LRRC4C: variants seen among roughly 807,000 people sequenced by gnomAD.
LRRC4C encodes leucine rich repeat containing 4C.
A neutral mutation model predicts 33.6 loss-of-function variants in LRRC4C; 5 were observed. The observed-to-expected ratio is 0.15, with a 90% CI of 0.08 to 0.31. The LOEUF (loss-of-function observed/expected upper bound fraction) is 0.31. Ranked by LOEUF, LRRC4C falls within the 10% of genes least tolerant of loss-of-function variation. The pLI, the probability that LRRC4C is intolerant of heterozygous loss-of-function variation, is 1.00. For synonymous variants in LRRC4C, 329 were observed against 302.0 expected, an observed-to-expected ratio of 1.09 and a Z score of -0.93; for missense variants, 560 against 796.7, an observed-to-expected ratio of 0.70 and a Z score of 3.58.
At chr11:40,897,675 C>T (rs1010334967) in intron 2 of LRRC4C, among the ~76,000 whole-genome samples, 7 of 152,180 alleles carry the variant, frequency 4.6e-5, no homozygotes, top group African/African-American at 1.7e-4. Context: ...AACACTTCTG[C>T]TAACGATAGA....
At chr11:40,950,622 A>T (rs1958650613) in intron 1 of LRRC4C, among the ~76,000 whole-genome samples, 1 of 152,060 alleles carries the variant, frequency 6.6e-6, no homozygotes, top group Non-Finnish European at 1.5e-5. Flanking sequence ...TAAATTATTT[A>T]TTTCTAATTA....
chr11:40,427,858 A>T (rs779452104), intron 3 of LRRC4C, among the ~76,000 whole-genome samples: 15 of 152,080 alleles, frequency 9.9e-5, no homozygotes, highest in Non-Finnish European at 1.8e-4. Flanking sequence ...CCAAAAAACA[A>T]AACAAAACAA....
chr11:41,073,120 G>C (rs1000456231), intron 1 of LRRC4C, among the ~76,000 whole-genome samples: 3 of 152,088 alleles, frequency 2.0e-5, no homozygotes, highest in African/African-American at 7.2e-5. Flanking sequence ...GTCATAGTCT[G>C]TTTTGTGTTA....
chr11:40,267,919 A>G (rs1942400820), intron 4 of LRRC4C, among the ~76,000 whole-genome samples: 1 of 152,148 alleles, frequency 6.6e-6, no homozygotes, highest in Admixed American at 6.6e-5. Context: ...GCAATTACTG[A>G]CTTTCTGCTT....
intron 1 of LRRC4C, among the ~76,000 whole-genome samples, chr11:40,995,727 G>A (rs530030178): frequency 6.6e-6 from 1 of 152,214 alleles, no homozygotes; most frequent in South Asian, 2.1e-4. Flanking sequence ...TCACCCAGCA[G>A]GTAGAATTAT....
intron 4 of LRRC4C, among the ~76,000 whole-genome samples, chr11:40,258,440 T>C (rs1002304457): frequency 6.6e-6 from 1 of 152,184 alleles, no homozygotes; most frequent in Non-Finnish European, 1.5e-5. Context: ...CACTAACATA[T>C]ATAATTTATT....
intron 1 of LRRC4C, among the ~76,000 whole-genome samples, chr11:41,290,810 G>C (rs12285478): frequency 1.3e-5 from 2 of 151,906 alleles, no homozygotes; most frequent in Non-Finnish European, 2.9e-5. Context: ...AACAAACAAA[G>C]GTCTTAGTAC....
At chr11:41,240,334 C>T (rs1948199433) in intron 1 of LRRC4C, among the ~76,000 whole-genome samples, 1 of 152,172 alleles carries the variant, frequency 6.6e-6, no homozygotes, top group South Asian at 2.1e-4. Flanking sequence ...AGAGAAATTG[C>T]AAAGAGTCCC....
intron 4 of LRRC4C, among the ~76,000 whole-genome samples, chr11:40,275,454 A>G (rs1182075514): frequency 6.6e-6 from 1 of 152,146 alleles, no homozygotes; most frequent in Admixed American, 6.5e-5. Flanking sequence ...ATACTACAGA[A>G]CATAAAAGCA....
chr11:40,643,605 G>C (rs997287054), intron 3 of LRRC4C, among the ~76,000 whole-genome samples: 2 of 152,086 alleles, frequency 1.3e-5, no homozygotes, highest in Admixed American at 1.3e-4. Context: ...CAGGAATAAT[G>C]ACACCAATAC....
intron 3 of LRRC4C, among the ~76,000 whole-genome samples, chr11:40,472,016 C>T (rs895597367): frequency 3.3e-5 from 5 of 152,140 alleles, no homozygotes; most frequent in East Asian, 1.9e-4. Flanking sequence ...TCACTCGAGG[C>T]CGGGCAAGGT....
chr11:40,971,614 C>A (rs1851734236), intron 1 of LRRC4C, among the ~76,000 whole-genome samples: 1 of 152,112 alleles, frequency 6.6e-6, no homozygotes, highest in South Asian at 2.1e-4. Context: ...CACAGAGTTC[C>A]CACTGGGGTA....
chr11:41,302,407 A>C (rs1950312528), intron 1 of LRRC4C, among the ~76,000 whole-genome samples: 1 of 152,236 alleles, frequency 6.6e-6, no homozygotes, highest in Non-Finnish European at 1.5e-5. Context: ...AGCATTGTCT[A>C]ATTAGGTAGT....
intron 3 of LRRC4C, among the ~76,000 whole-genome samples, chr11:40,553,400 C>T (rs988400657): frequency 6.6e-6 from 1 of 152,020 alleles, no homozygotes; most frequent in Admixed American, 6.6e-5. Flanking sequence ...AACCTCATAT[C>T]CAGGAGAATT....
At chr11:41,075,359 T>C (rs957025030) in intron 1 of LRRC4C, among the ~76,000 whole-genome samples, 30 of 152,174 alleles carry the variant, frequency 2.0e-4, no homozygotes, top group Non-Finnish European at 3.8e-4. Flanking sequence ...AGAATGAGAA[T>C]GAATAATATA....
rs1008712367 is a variant in LRRC4C, at chr11:41,383,293, C to T, written c.-496+76138G>A. On this transcript the variant is annotated intron_variant, in intron 1 of 6. Transcript: ENST00000528697. ...TTTCTTGTATGAATTTAGGAATTTG[C>T]CATGACAGCTGGGCCTGGAACCCTG... 2.6e-5 allele frequency among the ~76,000 whole-genome samples: 4 copies of T among 152,014 alleles called. No homozygotes were observed. In the South Asian group the frequency reaches 8.3e-4, roughly 32 times the overall value.
chr11:41,337,555 T>G (rs1313638428), intron 1 of LRRC4C, among the ~76,000 whole-genome samples: 2 of 152,098 alleles, frequency 1.3e-5, no homozygotes, highest in African/African-American at 4.8e-5. Context: ...ATTAAAAACT[T>G]AAATGTAAAA....
chr11:40,291,907 CA>C (rs1944222857), intron 4 of LRRC4C, among the ~76,000 whole-genome samples: 1 of 151,536 alleles, frequency 6.6e-6, no homozygotes, highest in South Asian at 2.1e-4. Context: ...TGGCACCCGA[CA>C]CTGCAGCGGC....
At chr11:41,351,107 C>T (rs1272600357) in intron 1 of LRRC4C, among the ~76,000 whole-genome samples, 1 of 151,970 alleles carries the variant, frequency 6.6e-6, no homozygotes, top group Non-Finnish European at 1.5e-5. Flanking sequence ...ATGGTGTGTG[C>T]CTTTAATCTC....
Sources: gnomAD v4.1 joint callset for allele counts (sites outside exome capture counted in the v4.1 genomes callset) on GRCh38, gnomAD v4.1.1 for gene constraint, MANE v1.5 for transcripts, NCBI Gene and HGNC (gene_info 2026-07-23, HGNC 2026-07-21) for gene names.